The following PLPPR1 variants were observed in gnomAD, a reference collection of about 807,000 sequenced individuals.
PLPPR1 encodes phospholipid phosphatase related 1.
A neutral mutation model predicts 33.1 loss-of-function variants in PLPPR1; 10 were observed. The ratio of observed to expected loss-of-function variants is 0.30; its 90% CI spans 0.19 to 0.51. The LOEUF (loss-of-function observed/expected upper bound fraction) is 0.51, where lower values mean the gene tolerates loss of function less well. Ranked by LOEUF, PLPPR1 falls within the 20% of genes least tolerant of loss-of-function variation. PLPPR1 has a pLI of 0.97. For missense variants in PLPPR1, 304 were observed against 408.1 expected, an observed-to-expected ratio of 0.74 and a Z score of 2.20; for synonymous variants, 151 against 151.0, an observed-to-expected ratio of 1.00 and a Z score of 0.00.
chr9:101,145,826 C>A (rs1176894807), intron 1 of PLPPR1, among the ~76,000 whole-genome samples: 1 of 137,422 alleles, frequency 7.3e-6, no homozygotes, highest in East Asian at 2.1e-4. Flanking sequence ...GGCAACATGG[C>A]AAGACCCTAT....
chr9:101,295,692 G>A (rs1413826773), intron 4 of PLPPR1, among the ~76,000 whole-genome samples: 3 of 151,846 alleles, frequency 2.0e-5, no homozygotes, highest in African/African-American at 2.4e-5. Flanking sequence ...AGAAAAACAA[G>A]CAATGGGGAA....
At chr9:101,310,950 A>T (rs1828943305) in intron 5 of PLPPR1, among the ~76,000 whole-genome samples, 1 of 152,348 alleles carries the variant, frequency 6.6e-6, no homozygotes, top group Admixed American at 6.5e-5. Flanking sequence ...TCAAAAACAA[A>T]ACCAAACCAA....
Position 101,312,987 on chromosome 9 carries a change from C to T in PLPPR1, c.813+13C>T. The stretch of plus-strand genomic sequence containing the variant: ...GGCCCTGTTTCTGGTAGGTTGACTT[C>T]CCTCTTTTTACCTTTTCCCCCTCTT... On this transcript the variant is annotated intron_variant, in intron 6 of 7. Coordinates refer to ENST00000374874, the MANE Select transcript of PLPPR1 (RefSeq NM_207299.2). 1 of 1,613,538 alleles carries T rather than the reference C, an allele frequency of 6.2e-7. No homozygotes were observed. Among genetic ancestry groups the T allele is most frequent in the Non-Finnish European group, 8.5e-7 (1 of 1,179,502 alleles).
At chr9:101,270,434 G>C (rs1484969785) in intron 3 of PLPPR1, among the ~76,000 whole-genome samples, 1 of 152,152 alleles carries the variant, frequency 6.6e-6, no homozygotes, top group Non-Finnish European at 1.5e-5. Flanking sequence ...TGTAAGTGCT[G>C]GCACTGATAT....
chr9:101,323,328 C>T (rs1220832302), intron 7 of PLPPR1, among the ~76,000 whole-genome samples: 1 of 151,692 alleles, frequency 6.6e-6, no homozygotes, highest in Non-Finnish European at 1.5e-5. Context: ...GACACTGTCT[C>T]TACAAAAAAT....
At chr9:101,186,745 T>C (rs1826211042) in intron 2 of PLPPR1, among the ~76,000 whole-genome samples, 1 of 151,924 alleles carries the variant, frequency 6.6e-6, no homozygotes, top group Admixed American at 6.6e-5. Flanking sequence ...TTATAGACAT[T>C]GCTTGGTACT....
chr9:101,161,226 A>T (rs1831768644), intron 1 of PLPPR1, among the ~76,000 whole-genome samples: 1 of 152,168 alleles, frequency 6.6e-6, no homozygotes, highest in African/African-American at 2.4e-5. Context: ...AATATATAGT[A>T]GTTATCATGT....
At chr9:101,066,395 T>C (rs1830414838) in intron 1 of PLPPR1, among the ~76,000 whole-genome samples, 1 of 151,934 alleles carries the variant, frequency 6.6e-6, no homozygotes, top group South Asian at 2.1e-4. Context: ...CTTCCATACT[T>C]TGGAAGGAAT....
At chr9:101,153,689 C>A (rs1211474519) in intron 1 of PLPPR1, among the ~76,000 whole-genome samples, 1 of 152,166 alleles carries the variant, frequency 6.6e-6, no homozygotes, top group East Asian at 1.9e-4. Flanking sequence ...ATTCTTCTGC[C>A]TCAGCCTCCT....
At chr9:101,106,886 C>A (rs946295984) in intron 1 of PLPPR1, among the ~76,000 whole-genome samples, 2 of 53,606 alleles carry the variant, frequency 3.7e-5, no homozygotes, top group Non-Finnish European at 6.6e-5. Flanking sequence ...CTTCTCGCTT[C>A]ATTTCATTCA....
intron 2 of PLPPR1, among the ~76,000 whole-genome samples, chr9:101,192,764 A>G (rs1826319577): frequency 6.6e-6 from 1 of 152,184 alleles, no homozygotes; most frequent in African/African-American, 2.4e-5. Flanking sequence ...CTGGGCTTGA[A>G]TATTTTTATA....
intron 4 of PLPPR1, among the ~76,000 whole-genome samples, chr9:101,296,811 G>A (rs530565395): frequency 3.0e-4 from 46 of 151,474 alleles, no homozygotes; most frequent in African/African-American, 8.1e-4. Context: ...TGGGTGGAGC[G>A]GGGAGGGATA....
At chr9:101,048,372 G>A (rs1830179210) in intron 1 of PLPPR1, among the ~76,000 whole-genome samples, 1 of 152,146 alleles carries the variant, frequency 6.6e-6, no homozygotes, top group South Asian at 2.1e-4. Context: ...ATTCAAGATA[G>A]GAGGTACCAG....
At chr9:101,305,035 C>T (rs1588119545) in intron 4 of PLPPR1, among the ~76,000 whole-genome samples, 1 of 152,186 alleles carries the variant, frequency 6.6e-6, no homozygotes, top group Non-Finnish European at 1.5e-5. Context: ...TCAGAGCGAA[C>T]TCATCCAGTG....
intron 1 of PLPPR1, among the ~76,000 whole-genome samples, chr9:101,051,622 A>G (rs575774739): frequency 1.3e-5 from 2 of 152,210 alleles, no homozygotes; most frequent in South Asian, 4.1e-4. Flanking sequence ...CTAGTCAGAA[A>G]TAATCATTTT....
intron 1 of PLPPR1, among the ~76,000 whole-genome samples, chr9:101,108,103 C>G (rs10989407): frequency 3.4e-5 from 5 of 146,908 alleles, no homozygotes; most frequent in South Asian, 4.2e-4. Flanking sequence ...AGAAATCACC[C>G]GTCTTCTGCG....
intron 2 of PLPPR1, among the ~76,000 whole-genome samples, chr9:101,237,642 TACACAC>T (rs144819109): frequency 7.2e-6 from 1 of 139,856 alleles, no homozygotes; most frequent in Non-Finnish European, 1.5e-5. Flanking sequence ...TATATATATA[TACACAC>T]ACACACACAC....
intron 1 of PLPPR1, among the ~76,000 whole-genome samples, chr9:101,043,769 A>G (rs1363844958): frequency 6.6e-6 from 1 of 152,084 alleles, no homozygotes; most frequent in Non-Finnish European, 1.5e-5. Context: ...CCAGCAGTGT[A>G]GAAGTGTTCC....
chr9:101,112,978 ATTCT>A (rs1190467319), intron 1 of PLPPR1, among the ~76,000 whole-genome samples: 1 of 152,220 alleles, frequency 6.6e-6, no homozygotes, highest in African/African-American at 2.4e-5. Flanking sequence ...TAAAAGATGG[ATTCT>A]TTCTTCTAGT....
Sources: allele counts gnomAD v4.1 joint callset (sites outside exome capture counted in the v4.1 genomes callset), GRCh38; gene constraint gnomAD v4.1.1; transcripts MANE v1.5; gene names NCBI Gene and HGNC (gene_info 2026-07-23, HGNC 2026-07-21).